Variants in PFKP observed in about 807,000 individuals in gnomAD.
PFKP encodes the protein phosphofructokinase, platelet.
In PFKP, 101 loss-of-function variants were observed where a neutral mutation model predicts 94.3. That is an observed-to-expected ratio of 1.07 (90% confidence interval 0.91 to 1.26). The LOEUF (loss-of-function observed/expected upper bound fraction) is 1.26. Among genes scored for constraint, PFKP ranks in the 50% most tolerant of loss-of-function variants. PFKP has a pLI of 0.00. For missense variants in PFKP, 1,145 were observed against 1,103.3 expected (o/e 1.04, Z -0.53); for synonymous variants, 573 against 432.6 (o/e 1.32, Z -4.03).
chr10:3,076,183 C>A (rs1417828251), intron 1 of PFKP, among the ~76,000 whole-genome samples: 1 of 152,290 alleles, frequency 6.6e-6, no homozygotes, highest in Non-Finnish European at 1.5e-5. Flanking sequence ...GCTTAAAGCA[C>A]ATCTCCATGT....
At position 3,096,657 on chromosome 10, in the gene PFKP, C is replaced by CCT. The variant is rs976470874; in HGVS notation, c.187-2617_187-2616insTC. On this transcript the variant is annotated intron_variant, in intron 2 of 21. Transcript: ENST00000381125. The stretch of plus-strand genomic sequence containing the variant: ...TGCCTGCTTCCTTGTTTCCTTGCCC[C>CCT]CCCGAGCTTCATGGAAGTCAATCTG... 5.9e-5 allele frequency among the ~76,000 whole-genome samples: 9 copies of CCT among 151,480 alleles called. No homozygotes were observed. The East Asian group carries it at 1.7e-3, about 29-fold the overall frequency.
rs112639679 is a variant in PFKP, at chr10:3,118,665, G to A, written c.1443-117G>A. On this transcript the variant is annotated intron_variant, in intron 14 of 21. Transcript: ENST00000381125. ...ATGAGTGAAAAGGCAGACGTTTACCGCTCCTTAATTAAAACCACAGACTGG... is the reference window on the plus strand; with the variant it reads ...ATGAGTGAAAAGGCAGACGTTTACCACTCCTTAATTAAAACCACAGACTGG... The A allele has an allele frequency of 1.8e-3, 1,195 of 651,426 alleles. 19 individuals carry two copies. The African/African-American group carries it at 0.019, about 11-fold the overall frequency. 40.4% of individuals were successfully genotyped at this position (651,426 alleles called of 1,614,324 possible).
At chr10:3,110,919 C>T (rs866070200) in intron 10 of PFKP, among the ~76,000 whole-genome samples, 4 of 147,436 alleles carry the variant, frequency 2.7e-5, no homozygotes, top group Admixed American at 6.7e-5. Context: ...CATGTTTGTA[C>T]GTGTGTGCAT....
Position 3,109,742 on chromosome 10 carries a change from G to T in PFKP, c.1089+262G>T, listed in dbSNP as rs914101824. ...CATAGTCGTAACCTCCCCTGAGTGG[G>T]GGTCTAGAGCATCGGGATCCTCAAC... On this transcript the variant is annotated intron_variant, in intron 10 of 21. Coordinates refer to ENST00000381125, the MANE Select transcript of PFKP (RefSeq NM_002627.5). 2.0e-5 allele frequency among the ~76,000 whole-genome samples: 3 copies of T among 152,156 alleles called. No individual in the cohort carries two copies. In the South Asian group the frequency reaches 6.2e-4, roughly 31 times the overall value.
chr10:3,128,002 C>CTCGGGTGCACAGACTCTCACGTGGCTCT (rs1564349450), intron 16 of PFKP, among the ~76,000 whole-genome samples: 1 of 146,552 alleles, frequency 6.8e-6, no homozygotes, highest in Non-Finnish European at 1.5e-5. Context: ...CACGTGGCTC[C>CTCGGGTGCACAGACTCTCACGTGGCTCT]TAGTCTCAAG....
At chr10:3,077,015 C>G (rs766688329) in intron 1 of PFKP, among the ~76,000 whole-genome samples, 1 of 152,116 alleles carries the variant, frequency 6.6e-6, no homozygotes, top group Non-Finnish European at 1.5e-5. Flanking sequence ...GAGATCAGCG[C>G]GGTGTAAGCT....
intron 1 of PFKP, among the ~76,000 whole-genome samples, chr10:3,076,040 A>AAAAAT (rs1832562072): frequency 7.4e-6 from 1 of 134,430 alleles, no homozygotes; most frequent in South Asian, 2.5e-4. Context: ...AAAAAAAAAA[A>AAAAAT]GTAAAAACCG....
chr10:3,074,268 C>A (rs938957709), intron 1 of PFKP, among the ~76,000 whole-genome samples: 3 of 152,178 alleles, frequency 2.0e-5, no homozygotes. Flanking sequence ...GGTGCGGGTA[C>A]GACGTGCCTG....
At chr10:3,118,375 C>G (rs533957833) in intron 14 of PFKP, among the ~76,000 whole-genome samples, 14 of 151,920 alleles carry the variant, frequency 9.2e-5, no homozygotes, top group East Asian at 1.9e-4. Flanking sequence ...GGCTGAGGCA[C>G]GAGAATCACT....
At chr10:3,093,090 C>T (rs578151510) in intron 2 of PFKP, among the ~76,000 whole-genome samples, 20 of 151,996 alleles carry the variant, frequency 1.3e-4, no homozygotes, top group African/African-American at 3.9e-4. Flanking sequence ...GAAGCCTGAG[C>T]TCCCGCTCCT....
intron 9 of PFKP, 99 bp from the exon 10 acceptor site, chr10:3,109,256 C>A: frequency 2.7e-6 from 4 of 1,499,876 alleles, no homozygotes; most frequent in Non-Finnish European, 2.7e-6. Flanking sequence ...GGGCTGTGAG[C>A]ACCTGACTGA....
intron 1 of PFKP, among the ~76,000 whole-genome samples, chr10:3,081,584 G>A (rs1174259213): frequency 6.6e-6 from 1 of 152,196 alleles, no homozygotes; most frequent in African/African-American, 2.4e-5. Context: ...TCTCCCGATG[G>A]GCCTGAGCTT....
At chr10:3,088,149 C>G (rs1166317235) in intron 2 of PFKP, among the ~76,000 whole-genome samples, 1 of 113,316 alleles carries the variant, frequency 8.8e-6, no homozygotes, top group African/African-American at 3.5e-5. Context: ...TCCCCCCTCC[C>G]CCCACCCCAC....
chr10:3,113,100 C>G lies in PFKP; in HGVS notation c.1155-19C>G, dbSNP rs369295651. On this transcript the variant is annotated intron_variant, in intron 11 of 21. Transcript: ENST00000381125. ...TCCGGTATTCTCGACTCCGGTCCAA[C>G]GACACCCTTTTCCTTTAGGAGCTTT... 1.9e-6 allele frequency: 3 copies of G among 1,609,674 alleles called. No individual in the cohort carries two copies. The highest frequency in any genetic ancestry group is 2.5e-6 in the Non-Finnish European group (3 of 1,177,950).
chr10:3,127,078 C>T (rs1045379082), intron 16 of PFKP, among the ~76,000 whole-genome samples: 48 of 152,268 alleles, frequency 3.2e-4, no homozygotes, highest in African/African-American at 1.1e-3. Context: ...GCCTTCTTGT[C>T]AGTGCTGCTT....
chr10:3,104,402 G>A (rs568143228), intron 5 of PFKP, among the ~76,000 whole-genome samples: 11 of 152,178 alleles, frequency 7.2e-5, no homozygotes, highest in Admixed American at 1.3e-4. Context: ...ACTGTGGGGC[G>A]CACCGTACAA....
chr10:3,101,075 A>G lies in PFKP; in HGVS notation c.265-290A>G, dbSNP rs2131538550. ...CCGGTGCTGAGGCGGCTGCTGTGAC[A>G]CCGCAGGCTGGTTCCTGCTCCATGT... On this transcript the variant is annotated intron_variant, in intron 3 of 21. Transcript: ENST00000381125. 4 of 1,206,766 alleles carry G rather than the reference A, an allele frequency of 3.3e-6. No individual in the cohort carries two copies. In the East Asian group the frequency reaches 9.3e-5, roughly 28 times the overall value. 74.8% of individuals were successfully genotyped at this position (1,206,766 alleles called of 1,614,324 possible).
At chr10:3,125,329 G>T in intron 16 of PFKP, 1 of 998,064 alleles carries the variant, frequency 1.0e-6, no homozygotes, top group Non-Finnish European at 1.3e-6. Flanking sequence ...AGGATGAGCC[G>T]GATTTATTCT....
chr10:3,084,596 T>C (rs1050161293), intron 2 of PFKP, among the ~76,000 whole-genome samples: 4 of 152,004 alleles, frequency 2.6e-5, no homozygotes, highest in Non-Finnish European at 5.9e-5. Context: ...TAAGGTCAGA[T>C]TGCCCTCCTG....
Sources: gnomAD v4.1 joint callset for allele counts (sites outside exome capture counted in the v4.1 genomes callset) on GRCh38, gnomAD v4.1.1 for gene constraint, MANE v1.5 for transcripts, NCBI Gene and HGNC (gene_info 2026-07-23, HGNC 2026-07-21) for gene names.